Variants in PIK3C2G observed in about 807,000 individuals in gnomAD.
PIK3C2G encodes phosphatidylinositol-4-phosphate 3-kinase catalytic subunit type 2 gamma.
PIK3C2G carries 168 observed loss-of-function variants against 181.1 expected under a neutral mutation model. That is an observed-to-expected ratio of 0.93 (90% CI 0.82 to 1.05). The LOEUF is 1.05. PIK3C2G is among the 50% of genes least tolerant of loss of function. The pLI, the probability that PIK3C2G is intolerant of heterozygous loss-of-function variation, is 0.00. For synonymous variants in PIK3C2G, 573 were observed against 592.2 expected (o/e 0.97, Z 0.47); for missense variants, 1,869 against 1,732.8 (o/e 1.08, Z -1.40).
the PIK3C2G span, among the ~76,000 whole-genome samples, chr12:18,662,582 A>T: frequency 6.6e-6 from 1 of 152,152 alleles, no homozygotes; most frequent in African/African-American, 2.4e-5. Flanking sequence ...TATTATTGTA[A>T]CTTTGGTCTG....
chr12:18,371,163 C>T lies in PIK3C2G; in HGVS notation c.1749-17C>T. The T allele has an allele frequency of 6.3e-7, 1 of 1,591,702 alleles. No individual in the cohort carries two copies. The highest frequency in any genetic ancestry group is 8.6e-7 in the Non-Finnish European group (1 of 1,166,658). ...TACAATTGGGTAGGTAATGCTTCTTCTTTCTTTTATTCTCAGGATCAATTT... is the reference window on the plus strand; with the variant it reads ...TACAATTGGGTAGGTAATGCTTCTTTTTTCTTTTATTCTCAGGATCAATTT... On this transcript the variant is annotated splice_polypyrimidine_tract_variant and intron_variant, in intron 12 of 32. Transcript: ENST00000538779.
At chr12:18,388,991 G>A (rs761928820) in intron 14 of PIK3C2G, among the ~76,000 whole-genome samples, 1 of 152,186 alleles carries the variant, frequency 6.6e-6, no homozygotes, top group Non-Finnish European at 1.5e-5. Flanking sequence ...AGCCAGGAAT[G>A]TGAGAAATAG....
At position 18,390,780 on chromosome 12, in the gene PIK3C2G, G is replaced by A. The variant is rs976950701; in HGVS notation, c.1996-342G>A. ...TTTCGTAAGGAGACATTTTAACACC[G>A]AAATGTAAAAAGGATATAATGTTAG... On this transcript the variant is annotated intron_variant, in intron 14 of 32. Coordinates refer to ENST00000538779, the MANE Select transcript of PIK3C2G (RefSeq NM_001288772.2). 3.9e-5 allele frequency among the ~76,000 whole-genome samples: 6 copies of A among 152,052 alleles called. No individual in the cohort carries two copies. The East Asian group carries it at 5.8e-4, about 15-fold the overall frequency.
chr12:18,262,188 A>G (rs148796866), intron 1 of PIK3C2G, among the ~76,000 whole-genome samples: 95 of 152,196 alleles, frequency 6.2e-4, no homozygotes, highest in African/African-American at 2.2e-3. Context: ...ACTGAGGCCA[A>G]TGTGAACCTA....
At chr12:18,277,579 C>T (rs957326199) in intron 1 of PIK3C2G, among the ~76,000 whole-genome samples, 1 of 151,954 alleles carries the variant, frequency 6.6e-6, no homozygotes, top group African/African-American at 2.4e-5. Flanking sequence ...TTATTTAGTC[C>T]CATAATTTAT....
intron 1 of PIK3C2G, among the ~76,000 whole-genome samples, chr12:18,253,411 C>G (rs1460835032): frequency 1.3e-5 from 2 of 151,918 alleles, no homozygotes; most frequent in Non-Finnish European, 1.5e-5. Flanking sequence ...AATCAAGAAG[C>G]AAAGGTATGT....
upstream of PIK3C2G, among the ~76,000 whole-genome samples, chr12:18,246,849 C>G (rs139892762): frequency 6.6e-6 from 1 of 152,224 alleles, no homozygotes; most frequent in African/African-American, 2.4e-5. Flanking sequence ...CATACTATAA[C>G]CAAATGTTTG....
intron 18 of PIK3C2G, among the ~76,000 whole-genome samples, chr12:18,434,767 A>C (rs1244899566): frequency 2.0e-5 from 3 of 152,190 alleles, no homozygotes; most frequent in Non-Finnish European, 4.4e-5. Flanking sequence ...TGGTAGAGGA[A>C]GAGGGCATGA....
the PIK3C2G span, among the ~76,000 whole-genome samples, chr12:18,704,968 T>C: frequency 6.6e-6 from 1 of 152,102 alleles, no homozygotes; most frequent in Non-Finnish European, 1.5e-5. Context: ...TGTATATATA[T>C]ATAAATTTTA....
chr12:18,352,755 A>G (rs1297559078), intron 11 of PIK3C2G, among the ~76,000 whole-genome samples: 1 of 152,136 alleles, frequency 6.6e-6, no homozygotes, highest in Non-Finnish European at 1.5e-5. Context: ...GTGGGGAGGT[A>G]GTCTTCTTCT....
At chr12:18,661,368 T>TA in the PIK3C2G span, among the ~76,000 whole-genome samples, 16 of 100,168 alleles carry the variant, frequency 1.6e-4, no homozygotes, top group East Asian at 2.5e-3. Context: ...CTGCCAAAAA[T>TA]AAAAAAAAAG....
chr12:18,371,576 C>T (rs577158680), intron 13 of PIK3C2G, among the ~76,000 whole-genome samples: 1 of 152,124 alleles, frequency 6.6e-6, no homozygotes, highest in East Asian at 1.9e-4. Flanking sequence ...ATTACTTTTT[C>T]TTTTCTGACC....
chr12:18,522,107 T>G (rs940637195), intron 24 of PIK3C2G, among the ~76,000 whole-genome samples: 3 of 152,214 alleles, frequency 2.0e-5, no homozygotes, highest in Non-Finnish European at 4.4e-5. Context: ...CTGGATACCT[T>G]AATTGCCAGT....
At chr12:18,439,252 T>C (rs2135812673) in intron 18 of PIK3C2G, among the ~76,000 whole-genome samples, 1 of 152,118 alleles carries the variant, frequency 6.6e-6, no homozygotes, top group East Asian at 1.9e-4. Context: ...TGTCATTTAG[T>C]GTCAGTGAAA....
At chr12:18,696,322 C>CTATATATATATATATATATCATA in the PIK3C2G span, 1 of 253,072 alleles carries the variant, frequency 4.0e-6, no homozygotes, top group Non-Finnish European at 6.8e-6. Flanking sequence ...TAAAAAGCCA[C>CTATATATATATATATATATCATA]TATATATATA....
intron 5 of PIK3C2G, among the ~76,000 whole-genome samples, chr12:18,299,165 T>TA (rs1310308117): frequency 6.6e-6 from 1 of 151,990 alleles, no homozygotes. Context: ...ATTCTTCTGA[T>TA]ACACGAGCAT....
At chr12:18,482,623 C>T (rs373932543) in intron 18 of PIK3C2G, among the ~76,000 whole-genome samples, 1 of 152,144 alleles carries the variant, frequency 6.6e-6, no homozygotes, top group Admixed American at 6.6e-5. Context: ...CTTTGCCCCC[C>T]CTTTTCTCCA....
At chr12:18,344,674 T>A (rs1939492202) in intron 10 of PIK3C2G, among the ~76,000 whole-genome samples, 1 of 152,160 alleles carries the variant, frequency 6.6e-6, no homozygotes, top group Non-Finnish European at 1.5e-5. Context: ...TCCTGGAGAC[T>A]TATATTCTAT....
the PIK3C2G span, among the ~76,000 whole-genome samples, chr12:18,663,529 T>C: frequency 6.6e-6 from 1 of 152,120 alleles, no homozygotes; most frequent in African/African-American, 2.4e-5. Flanking sequence ...TGGATTTTGA[T>C]ATCCATAGGA....
Sources: allele counts gnomAD v4.1 joint callset (sites outside exome capture counted in the v4.1 genomes callset), GRCh38; gene constraint gnomAD v4.1.1; transcripts MANE v1.5; gene names NCBI Gene and HGNC (gene_info 2026-07-23, HGNC 2026-07-21).